Variants in GLIS3 observed in about 807,000 individuals in gnomAD.
GLIS3 encodes GLIS family zinc finger 3, also known as zinc finger protein GLIS3.
In GLIS3, 53 loss-of-function variants were observed where a neutral mutation model predicts 78.6. The ratio of observed to expected loss-of-function variants is 0.67; its 90% CI spans 0.54 to 0.85. The LOEUF (loss-of-function observed/expected upper bound fraction) is 0.85. Among genes scored for constraint, GLIS3 ranks in the 40% least tolerant of loss-of-function variants. The pLI, the probability that GLIS3 is intolerant of heterozygous loss-of-function variation, is 0.00. For synonymous variants in GLIS3, 684 were observed against 509.9 expected (o/e 1.34, Z -4.60); for missense variants, 1,703 against 1,231.1 (o/e 1.38, Z -5.74).
chr9:4,329,203 A>T (rs1228508444), intron 2 of GLIS3, among the ~76,000 whole-genome samples: 1 of 152,178 alleles, frequency 6.6e-6, no homozygotes, highest in Non-Finnish European at 1.5e-5. Flanking sequence ...TCTGAAGCCC[A>T]TTCCCACGAT....
At chr9:4,078,620 G>T (rs1828280060) in intron 4 of GLIS3, among the ~76,000 whole-genome samples, 1 of 152,150 alleles carries the variant, frequency 6.6e-6, no homozygotes, top group Non-Finnish European at 1.5e-5. Context: ...AGCCAGGCAG[G>T]GTAAAGCGGT....
intron 2 of GLIS3, among the ~76,000 whole-genome samples, chr9:4,185,323 T>C (rs528322143): frequency 6.6e-6 from 1 of 152,364 alleles, no homozygotes; most frequent in South Asian, 2.1e-4. Context: ...TTCCATTATA[T>C]GGCTAAACTG....
At chr9:4,141,193 T>C (rs1247660803) in intron 2 of GLIS3, among the ~76,000 whole-genome samples, 2 of 152,106 alleles carry the variant, frequency 1.3e-5, no homozygotes, top group African/African-American at 4.8e-5. Context: ...TGAAAGAGGA[T>C]AGTGCCTCTA....
At chr9:4,218,528 T>A (rs773351969) in intron 2 of GLIS3, among the ~76,000 whole-genome samples, 88 of 152,212 alleles carry the variant, frequency 5.8e-4, no homozygotes, top group Non-Finnish European at 1.1e-3. Flanking sequence ...TCTGCCTGCC[T>A]TGGCCTCCCA....
the GLIS3 span, among the ~76,000 whole-genome samples, chr9:4,457,907 C>T: frequency 2.6e-5 from 4 of 151,546 alleles, no homozygotes; most frequent in African/African-American, 4.8e-5. Flanking sequence ...AAATCCAAGA[C>T]CTAAGTTCTG....
At chr9:3,847,219 AAAAAT>A (rs971819489) in intron 9 of GLIS3, among the ~76,000 whole-genome samples, 7 of 151,496 alleles carry the variant, frequency 4.6e-5, no homozygotes, top group African/African-American at 1.2e-4. Flanking sequence ...ATAAATAAAA[AAAAAT>A]AAAATAAAGA....
rs886829297 is a variant in GLIS3 at position 4,285,392 on chromosome 9, A to G, written c.388+646T>C. The G allele has an allele frequency of 3.3e-5, 5 of 152,188 alleles. 1 individual carries two copies. The highest frequency in any genetic ancestry group is 2.6e-4 in the Admixed American group (4 of 15,278). The allele number at this position is 152,188 out of a possible 1,614,324, so 9.4% of individuals were successfully genotyped here. ...AATGAATTAAAAGCACATTCTCTCT[A>G]TACTTCAAATTGACCAGGTTTTCTA... is the stretch of plus-strand genomic sequence containing the variant. On this transcript the variant is annotated intron_variant, in intron 2 of 10. Coordinates refer to ENST00000381971, the MANE Select transcript of GLIS3 (RefSeq NM_001042413.2).
At chr9:4,020,926 T>A (rs181164201) in intron 4 of GLIS3, among the ~76,000 whole-genome samples, 6 of 152,108 alleles carry the variant, frequency 3.9e-5, no homozygotes. Flanking sequence ...CTGCACACAG[T>A]TCCAAAAATA....
At chr9:4,026,950 C>T (rs1823398254) in intron 4 of GLIS3, among the ~76,000 whole-genome samples, 1 of 152,122 alleles carries the variant, frequency 6.6e-6, no homozygotes, top group Non-Finnish European at 1.5e-5. Context: ...GAAGTCAAAC[C>T]TAAGACTGTC....
chr9:4,013,591 T>C (rs1822208954), intron 4 of GLIS3, among the ~76,000 whole-genome samples: 1 of 152,330 alleles, frequency 6.6e-6, no homozygotes, highest in African/African-American at 2.4e-5. Flanking sequence ...AAGTGTTCAT[T>C]TGGCTTCTCT....
intron 2 of GLIS3, among the ~76,000 whole-genome samples, chr9:4,217,532 TAA>T (rs750380269): frequency 3.3e-5 from 5 of 152,190 alleles, no homozygotes; most frequent in Admixed American, 6.5e-5. Flanking sequence ...CATCTGCCTA[TAA>T]AGAGATCAAG....
Position 4,118,455 on chromosome 9 carries a change from C to T in GLIS3, c.1023G>A (p.Leu341=). 2 of 1,613,550 alleles carry T rather than the reference C, an allele frequency of 1.2e-6. No individual in the cohort carries two copies. Among genetic ancestry groups the T allele is most frequent in the Non-Finnish European group, 1.7e-6 (2 of 1,180,036 alleles). Residue 341 remains leucine, a synonymous_variant, in exon 4 of 11, where the codon CTG becomes CTA. Transcript: ENST00000381971. This position sits in a 1 kb window ranked among gnomAD's most constrained non-coding sequence, Gnocchi z 4.7. ...INGSRASPAN[L]SPQPEVYGHF... ...GCCCGTAGACCTCCGGCTGCGGGGA[C>T]AGGTTGGCCGGCGAAGCCCTCGACC... is the stretch of plus-strand genomic sequence containing the variant.
At chr9:4,120,137 C>G (rs1287861140) in intron 3 of GLIS3, among the ~76,000 whole-genome samples, 1 of 152,186 alleles carries the variant, frequency 6.6e-6, no homozygotes, top group Non-Finnish European at 1.5e-5. Context: ...AGCTGTTAAA[C>G]ATCAACCTGT....
intron 4 of GLIS3, among the ~76,000 whole-genome samples, chr9:4,105,715 T>G (rs767842804): frequency 6.6e-6 from 1 of 152,192 alleles, no homozygotes; most frequent in Non-Finnish European, 1.5e-5. Flanking sequence ...ACTATCTCAA[T>G]AGAGTAAGCA....
chr9:3,853,662 G>C (rs1406857104), intron 9 of GLIS3, among the ~76,000 whole-genome samples: 2 of 152,180 alleles, frequency 1.3e-5, no homozygotes, highest in African/African-American at 4.8e-5. Flanking sequence ...GATTTGCCCA[G>C]AGTCACACAG....
chr9:4,321,186 C>T (rs1014310030), intron 2 of GLIS3, among the ~76,000 whole-genome samples: 1 of 149,784 alleles, frequency 6.7e-6, no homozygotes, highest in Non-Finnish European at 1.5e-5. Flanking sequence ...TTTGGGAGGC[C>T]GAGGCGGGCG....
intron 4 of GLIS3, among the ~76,000 whole-genome samples, chr9:4,069,136 T>C (rs1827371089): frequency 6.6e-6 from 1 of 152,164 alleles, no homozygotes; most frequent in African/African-American, 2.4e-5. Flanking sequence ...TCAATAAAAA[T>C]GCCCTGTTGA....
rs377094207 is a variant in GLIS3, at chr9:4,118,014, G to C, written c.1464C>G (p.Asp488Glu). ...CGATGCCGTCCATCTCCCCGTCGTC[G>C]TCCAGGGTGGCCTGGGGCAAGGCCA... ...QQLALPQATLDDDGEMDGIGG... is the reference protein window; with the variant it reads ...QQLALPQATLEDDGEMDGIGG... Residue 488 changes from aspartate to glutamate, a missense_variant, in exon 4 of 11, where the codon GAC becomes GAG. Coordinates refer to ENST00000381971, the MANE Select transcript of GLIS3 (RefSeq NM_001042413.2). This position sits in a 1 kb window ranked among gnomAD's most constrained non-coding sequence, Gnocchi z 4.7. 4 of 1,606,168 alleles carry C rather than the reference G, an allele frequency of 2.5e-6. No individual in the cohort carries two copies. Among genetic ancestry groups the C allele is most frequent in the Non-Finnish European group, 3.4e-6 (4 of 1,176,660 alleles).
At chr9:4,037,097 C>G (rs928671469) in intron 4 of GLIS3, among the ~76,000 whole-genome samples, 1 of 152,160 alleles carries the variant, frequency 6.6e-6, no homozygotes, top group African/African-American at 2.4e-5. Flanking sequence ...TTTTCCCCAT[C>G]TGAAAATGGG....
Sources: gnomAD v4.1 joint callset for allele counts (sites outside exome capture counted in the v4.1 genomes callset) on GRCh38, gnomAD v4.1.1 for gene constraint, Gnocchi (gnomAD v3.1) non-coding constraint, MANE v1.5 for transcripts, NCBI Gene and HGNC (gene_info 2026-07-23, HGNC 2026-07-21) for gene names.